ZMYM2: variants seen among roughly 807,000 people sequenced by gnomAD.
The protein encoded by ZMYM2 is zinc finger MYM-type protein 2.
ZMYM2 carries 56 observed loss-of-function variants against 162.8 expected under a neutral mutation model. The observed-to-expected ratio is 0.34, with a 90% CI of 0.28 to 0.43. The LOEUF (loss-of-function observed/expected upper bound fraction) is 0.43. Ranked by LOEUF, ZMYM2 falls within the 20% of genes least tolerant of loss-of-function variation. The probability of loss-of-function intolerance (pLI) is 1.00; values close to 1 mark genes in which losing one functional copy is unlikely to be tolerated. For synonymous variants in ZMYM2, 510 were observed against 541.6 expected (o/e 0.94, Z 0.81); for missense variants, 1,275 against 1,621.8 (o/e 0.79, Z 3.67).
chr13:19,920,509 G>A, the ZMYM2 span, among the ~76,000 whole-genome samples: 13 of 151,374 alleles, frequency 8.6e-5, no homozygotes, highest in Admixed American at 8.6e-4. Flanking sequence ...GAAGATGAGG[G>A]AAGGGGAGGG....
At chr13:19,947,688 AGTCTCGAATT>A in the ZMYM2 span, among the ~76,000 whole-genome samples, 1 of 133,960 alleles carries the variant, frequency 7.5e-6, no homozygotes, top group Non-Finnish European at 1.7e-5. Context: ...AGGCTAGGCT[AGTCTCGAATT>A]GTCTCGAATT....
the ZMYM2 span, among the ~76,000 whole-genome samples, chr13:19,930,036 T>C: frequency 1.3e-5 from 2 of 152,104 alleles, no homozygotes; most frequent in East Asian, 3.9e-4. Context: ...GGCAGGAGGA[T>C]TGCCTGAGCC....
At chr13:19,951,247 C>T in the ZMYM2 span, among the ~76,000 whole-genome samples, 1 of 152,030 alleles carries the variant, frequency 6.6e-6, no homozygotes, top group Admixed American at 6.6e-5. Context: ...CATTAAAAAG[C>T]TTCTGTATCG....
At chr13:19,898,261 C>A in the ZMYM2 span, among the ~76,000 whole-genome samples, 1 of 148,734 alleles carries the variant, frequency 6.7e-6, no homozygotes, top group Admixed American at 6.7e-5. Context: ...GAGACAGAGT[C>A]TCACTGTGTC....
At chr13:19,978,025 C>CA (rs1481177354) in intron 2 of ZMYM2, among the ~76,000 whole-genome samples, 1 of 151,390 alleles carries the variant, frequency 6.6e-6, no homozygotes, top group Admixed American at 6.6e-5. Context: ...TACAGGTGCC[C>CA]ACCACCACGC....
chr13:19,881,979 CCAAAAAAAAA>C, the ZMYM2 span, among the ~76,000 whole-genome samples: 1 of 21,236 alleles, frequency 4.7e-5, no homozygotes. Context: ...GACTCTGTAT[CCAAAAAAAAA>C]AAAAAAAAAA....
the ZMYM2 span, among the ~76,000 whole-genome samples, chr13:19,873,920 T>C: frequency 1.2e-4 from 19 of 152,118 alleles, no homozygotes. Context: ...AAACTTGACT[T>C]GGTTGTTATA....
At chr13:19,884,378 G>T in the ZMYM2 span, among the ~76,000 whole-genome samples, 1,837 of 151,448 alleles carry the variant, frequency 0.012, 38 homozygotes, top group African/African-American at 0.04. Flanking sequence ...GATCGAGACG[G>T]CCCGGGCTAA....
chr13:19,884,774 C>T, the ZMYM2 span, among the ~76,000 whole-genome samples: 1 of 152,080 alleles, frequency 6.6e-6, no homozygotes, highest in African/African-American at 2.4e-5. Context: ...ATAGTGCCGA[C>T]GCCCCCAAGA....
At chr13:19,962,931 C>T (rs1165738741) in intron 2 of ZMYM2, among the ~76,000 whole-genome samples, 7 of 151,696 alleles carry the variant, frequency 4.6e-5, no homozygotes, top group African/African-American at 1.7e-4. Context: ...AAGCATTCTC[C>T]TGCCTCAGCT....
intron 2 of ZMYM2, among the ~76,000 whole-genome samples, chr13:19,960,616 A>T (rs1955102604): frequency 6.6e-6 from 1 of 152,154 alleles, no homozygotes; most frequent in South Asian, 2.1e-4. Flanking sequence ...CAGTGTACTG[A>T]TCTAGTTAAT....
intron 2 of ZMYM2, among the ~76,000 whole-genome samples, chr13:19,967,549 A>T (rs1029608583): frequency 3.9e-5 from 6 of 152,238 alleles, no homozygotes; most frequent in African/African-American, 7.2e-5. Context: ...TACATTTAAT[A>T]CATTTATCAA....
chr13:20,038,348 C>T (rs890998277), intron 12 of ZMYM2, among the ~76,000 whole-genome samples: 4 of 152,126 alleles, frequency 2.6e-5, no homozygotes, highest in Non-Finnish European at 4.4e-5. Context: ...TTAATCTTTG[C>T]TGGTTCCTAT....
In ZMYM2 at chr13:20,005,669, AG is replaced by A. The variant is rs1950684679; in HGVS notation, c.1299+431del. 2.0e-5 allele frequency among the ~76,000 whole-genome samples: 3 copies of A among 152,226 alleles called. No homozygotes were observed. In the South Asian group the frequency reaches 6.2e-4, roughly 32 times the overall value. ...ATTATTAATATTGTGTTAAATAAAAAGTAATCTGTTTATATATAAGTCATTT... is the reference window on the plus strand; with the variant it reads ...ATTATTAATATTGTGTTAAATAAAAATAATCTGTTTATATATAAGTCATTT... On this transcript the variant is annotated intron_variant, in intron 5 of 24. Coordinates refer to ENST00000610343, the MANE Select transcript of ZMYM2 (RefSeq NM_197968.4).
At chr13:19,864,893 C>G in the ZMYM2 span, 1 of 152,294 alleles carries the variant, frequency 6.6e-6, no homozygotes, top group Non-Finnish European at 1.5e-5. Flanking sequence ...GGTGCTGAAC[C>G]ATTTCCCGGA....
intron 2 of ZMYM2, among the ~76,000 whole-genome samples, chr13:19,979,084 G>A (rs572603417): frequency 4.6e-5 from 7 of 152,108 alleles, no homozygotes; most frequent in African/African-American, 1.7e-4. Context: ...CTGACTTCTG[G>A]CTTCTATAGT....
chr13:20,034,239 C>G lies in ZMYM2; in HGVS notation c.1969-15C>G. The G allele has an allele frequency of 1.3e-6, 2 of 1,541,578 alleles. No homozygotes were observed. Among genetic ancestry groups the G allele is most frequent in the Non-Finnish European group, 8.7e-7 (1 of 1,145,384 alleles). Reference sequence around the variant, plus strand: ...TGTCGTCATATACTTACCAAGGTTCCCATTGTGCATTTAGAACAAAGTGCA... The same window carrying G: ...TGTCGTCATATACTTACCAAGGTTCGCATTGTGCATTTAGAACAAAGTGCA... On this transcript the variant is annotated splice_polypyrimidine_tract_variant and intron_variant, in intron 10 of 24. Coordinates refer to ENST00000610343, the MANE Select transcript of ZMYM2 (RefSeq NM_197968.4).
At chr13:19,913,041 G>A in the ZMYM2 span, among the ~76,000 whole-genome samples, 4 of 152,120 alleles carry the variant, frequency 2.6e-5, no homozygotes, top group Admixed American at 6.6e-5. Flanking sequence ...AGCAAGAGAC[G>A]GGTCTGTAAC....
intron 20 of ZMYM2, 37 bp downstream of exon 20, chr13:20,067,056 T>G: frequency 6.5e-7 from 1 of 1,532,384 alleles, no homozygotes; most frequent in Non-Finnish European, 8.8e-7. Context: ...AAGTCCTATT[T>G]AAAATCAAGA....
Sources: gnomAD v4.1 joint callset for allele counts (sites outside exome capture counted in the v4.1 genomes callset) on GRCh38, gnomAD v4.1.1 for gene constraint, MANE v1.5 for transcripts, NCBI Gene and HGNC (gene_info 2026-07-23, HGNC 2026-07-21) for gene names.